The following FGGY variants were observed in gnomAD, a reference collection of about 807,000 sequenced individuals.
The protein encoded by FGGY is FGGY carbohydrate kinase domain-containing protein.
A neutral mutation model predicts 71.3 loss-of-function variants in FGGY; 72 were observed. The ratio of observed to expected loss-of-function variants is 1.01; its 90% CI spans 0.84 to 1.23. The LOEUF (loss-of-function observed/expected upper bound fraction) is 1.23, where lower values mean the gene tolerates loss of function less well. Ranked by LOEUF, FGGY falls within the 50% of genes most tolerant of loss-of-function variation. The pLI is 0.00. For missense variants in FGGY, 668 were observed against 682.3 expected (o/e 0.98, Z 0.23); for synonymous variants, 251 against 250.3 (o/e 1.00, Z -0.02).
intron 14 of FGGY, among the ~76,000 whole-genome samples, chr1:59,707,786 G>A (rs1193718533): frequency 1.3e-5 from 2 of 152,172 alleles, no homozygotes; most frequent in Admixed American, 6.5e-5. Context: ...CAGCCATCAT[G>A]GACTCTTGAC....
chr1:59,620,174 TAA>T (rs1365363401), intron 9 of FGGY, among the ~76,000 whole-genome samples: 1 of 151,958 alleles, frequency 6.6e-6, no homozygotes, highest in African/African-American at 2.4e-5. Context: ...TTCATCTTAG[TAA>T]AGAGTACCAT....
At chr1:59,548,095 G>A (rs2095554515) in intron 7 of FGGY, among the ~76,000 whole-genome samples, 1 of 152,168 alleles carries the variant, frequency 6.6e-6, no homozygotes, top group South Asian at 2.1e-4. Flanking sequence ...AAGGAGGCTT[G>A]GTCGGTTCTG....
At chr1:59,516,244 C>A (rs543274306) in intron 7 of FGGY, among the ~76,000 whole-genome samples, 349 of 152,224 alleles carry the variant, frequency 2.3e-3, no homozygotes, top group Admixed American at 7.0e-3. Flanking sequence ...TGAACAGATG[C>A]CTGAAAATCT....
intron 5 of FGGY, among the ~76,000 whole-genome samples, chr1:59,445,814 A>G (rs1357518246): frequency 1.3e-5 from 2 of 152,212 alleles, no homozygotes; most frequent in Non-Finnish European, 2.9e-5. Flanking sequence ...CACTTGGAGT[A>G]ACCAGTCTTT....
intron 5 of FGGY, among the ~76,000 whole-genome samples, chr1:59,427,771 G>C (rs2066647633): frequency 6.6e-6 from 1 of 152,148 alleles, no homozygotes; most frequent in Non-Finnish European, 1.5e-5. Flanking sequence ...TGTGTCGGTA[G>C]CTTGGAGAGG....
intron 3 of FGGY, among the ~76,000 whole-genome samples, chr1:59,344,775 A>G (rs2051463072): frequency 6.6e-6 from 1 of 152,206 alleles, no homozygotes; most frequent in African/African-American, 2.4e-5. Context: ...TTTAGGGAAT[A>G]ATGGCAAGTA....
chr1:59,464,999 C>T (rs2092522510), intron 6 of FGGY, among the ~76,000 whole-genome samples: 1 of 152,170 alleles, frequency 6.6e-6, no homozygotes, highest in Non-Finnish European at 1.5e-5. Context: ...GGGTATCCTC[C>T]CTAATTCATT....
intron 7 of FGGY, among the ~76,000 whole-genome samples, chr1:59,535,564 T>C (rs1377343311): frequency 6.6e-6 from 1 of 151,996 alleles, no homozygotes; most frequent in African/African-American, 2.4e-5. Flanking sequence ...TATTCCAAAA[T>C]TGACCACATA....
chr1:59,541,626 T>C (rs939177436), intron 7 of FGGY, among the ~76,000 whole-genome samples: 11 of 152,190 alleles, frequency 7.2e-5, no homozygotes, highest in Non-Finnish European at 1.6e-4. Flanking sequence ...ATTTTAAAAG[T>C]CATTTTAAAA....
intron 14 of FGGY, chr1:59,680,750 G>T (rs983535811): frequency 6.6e-6 from 1 of 152,138 alleles, no homozygotes; most frequent in Non-Finnish European, 1.5e-5. Flanking sequence ...CAACCCAGTG[G>T]TTGGTAGCAG....
chr1:59,374,724 A>G (rs958350763), intron 4 of FGGY, among the ~76,000 whole-genome samples: 3 of 152,190 alleles, frequency 2.0e-5, no homozygotes, highest in African/African-American at 7.2e-5. Flanking sequence ...CTATGCAGCC[A>G]TAAAAATGTT....
chr1:59,636,650 T>G (rs2096962918), intron 10 of FGGY, among the ~76,000 whole-genome samples: 1 of 151,780 alleles, frequency 6.6e-6, no homozygotes, highest in Non-Finnish European at 1.5e-5. Flanking sequence ...AAATAAAAAA[T>G]AAGTAAAGGA....
intron 6 of FGGY, among the ~76,000 whole-genome samples, chr1:59,483,556 G>C (rs546854343): frequency 9.5e-4 from 145 of 152,204 alleles, no homozygotes; most frequent in Admixed American, 4.1e-3. Flanking sequence ...GTCATAAATT[G>C]TCTATTCTCT....
intron 14 of FGGY, among the ~76,000 whole-genome samples, chr1:59,732,441 G>A (rs2098044771): frequency 6.6e-6 from 1 of 152,180 alleles, no homozygotes; most frequent in Non-Finnish European, 1.5e-5. Context: ...AGTTGTTCTA[G>A]ATACAAGCAG....
chr1:59,513,091 T>C (rs917484407), intron 7 of FGGY, among the ~76,000 whole-genome samples: 2 of 152,124 alleles, frequency 1.3e-5, no homozygotes, highest in East Asian at 3.8e-4. Flanking sequence ...TTATTGCAGG[T>C]TGTGTGTGTT....
At chr1:59,323,777 A>G (rs1403636878) in intron 2 of FGGY, among the ~76,000 whole-genome samples, 1 of 152,232 alleles carries the variant, frequency 6.6e-6, no homozygotes, top group Non-Finnish European at 1.5e-5. Flanking sequence ...GAATTAATGC[A>G]CATAGGATGT....
rs541010610 is a variant in FGGY at position 59,537,535 on chromosome 1, C to A, written c.800-16589C>A. Among the ~76,000 whole-genome samples the A allele has an allele frequency of 2.0e-5, 3 of 152,300 alleles. No individual in the cohort carries two copies. The East Asian group carries it at 5.8e-4, about 29-fold the overall frequency. On this transcript the variant is annotated intron_variant, in intron 7 of 15. Coordinates refer to ENST00000303721, the MANE Select transcript of FGGY (RefSeq NM_018291.5). ...ATGGAACCAAAAAGAGCCCGCATCA[C>A]CAAGTCAATCCTAAACCAAAAGAAC...
At chr1:59,489,603 T>A (rs147384485) in intron 6 of FGGY, among the ~76,000 whole-genome samples, 631 of 152,362 alleles carry the variant, frequency 4.1e-3, no homozygotes, top group African/African-American at 0.015. Context: ...TCACATTTTC[T>A]TTGTTCATTC....
chr1:59,414,120 TAA>T (rs1253770289), intron 5 of FGGY, among the ~76,000 whole-genome samples: 9 of 152,240 alleles, frequency 5.9e-5, no homozygotes, highest in Admixed American at 5.9e-4. Flanking sequence ...TTGTACTAGT[TAA>T]GGGAAAATGA....
Sources: allele counts gnomAD v4.1 joint callset (sites outside exome capture counted in the v4.1 genomes callset), GRCh38; gene constraint gnomAD v4.1.1; transcripts MANE v1.5; gene names NCBI Gene and HGNC (gene_info 2026-07-23, HGNC 2026-07-21).